Variants in TBC1D1 observed in about 807,000 individuals in gnomAD.
The protein encoded by TBC1D1 is TBC1 domain family member 1, also known as TBC1 (tre-2/USP6, BUB2, cdc16) domain family, member 1.
In TBC1D1, 89 loss-of-function variants were observed where a neutral mutation model predicts 125.6. The observed-to-expected ratio is 0.71, with a 90% confidence interval of 0.60 to 0.85. TBC1D1 has a LOEUF of 0.85. Among genes scored for constraint, TBC1D1 ranks in the 40% least tolerant of loss-of-function variants. The pLI is 0.00. For missense variants in TBC1D1, 1,377 were observed against 1,469.2 expected (o/e 0.94, Z 1.03); for synonymous variants, 565 against 564.1 (o/e 1.00, Z -0.02).
intron 2 of TBC1D1, among the ~76,000 whole-genome samples, chr4:37,951,273 C>G (rs188319032): frequency 6.6e-6 from 1 of 151,990 alleles, no homozygotes; most frequent in South Asian, 2.1e-4. Flanking sequence ...TAAAAATGAT[C>G]GTGGGAAGAG....
chr4:37,922,589 C>G (rs1412674911), intron 2 of TBC1D1, among the ~76,000 whole-genome samples: 1 of 152,220 alleles, frequency 6.6e-6, no homozygotes, highest in Non-Finnish European at 1.5e-5. Context: ...GAGACTCCCT[C>G]GCTTTGTTCC....
intron 2 of TBC1D1, among the ~76,000 whole-genome samples, chr4:37,904,302 T>C (rs898022486): frequency 6.6e-6 from 1 of 152,252 alleles, no homozygotes; most frequent in Non-Finnish European, 1.5e-5. Context: ...CCTTCAGCTT[T>C]CAAAGATGAG....
Position 38,054,241 on chromosome 4 carries a change from G to C in TBC1D1, c.1953G>C (p.Gly651=), listed in dbSNP as rs756690761. ...CAAACCATCTTGGTGATTCTGGTGG[G>C]ACTCCTGTGAAGACCCGGAGGCATT... Residue 651 remains glycine, a synonymous_variant, in exon 12 of 20, where the codon GGG becomes GGC. Transcript: ENST00000261439. 8.1e-6 allele frequency: 13 copies of C among 1,614,070 alleles called. No individual in the cohort carries two copies. In the African/African-American group the frequency reaches 1.3e-4, roughly 17 times the overall value.
At chr4:38,034,473 C>T (rs943129373) in intron 7 of TBC1D1, among the ~76,000 whole-genome samples, 2 of 152,162 alleles carry the variant, frequency 1.3e-5, no homozygotes, top group Admixed American at 6.5e-5. Flanking sequence ...TAATCTTTTT[C>T]GTTAAGAAAG....
chr4:38,107,178 C>G (rs1209913795), intron 15 of TBC1D1, among the ~76,000 whole-genome samples: 2 of 152,334 alleles, frequency 1.3e-5, no homozygotes, highest in Non-Finnish European at 2.9e-5. Context: ...GTCTCCTCTC[C>G]CCACTGGAAC....
At chr4:37,947,400 A>G (rs991632330) in intron 2 of TBC1D1, among the ~76,000 whole-genome samples, 8 of 151,998 alleles carry the variant, frequency 5.3e-5, no homozygotes, top group Non-Finnish European at 1.0e-4. Context: ...CAAGTGATCC[A>G]CCTGCTTCGG....
intron 2 of TBC1D1, among the ~76,000 whole-genome samples, chr4:37,928,581 G>A (rs371496132): frequency 1.3e-4 from 20 of 152,052 alleles, no homozygotes; most frequent in African/African-American, 4.1e-4. Context: ...CTCTCTTGCC[G>A]CTGTAGCGCA....
intron 15 of TBC1D1, among the ~76,000 whole-genome samples, chr4:38,113,987 A>G (rs563871803): frequency 2.0e-5 from 3 of 152,280 alleles, no homozygotes; most frequent in South Asian, 2.1e-4. Context: ...AAACTGTTAC[A>G]TCCTGCATGG....
At chr4:37,980,261 T>G (rs192232225) in intron 2 of TBC1D1, among the ~76,000 whole-genome samples, 132 of 152,334 alleles carry the variant, frequency 8.7e-4, no homozygotes, top group Middle Eastern at 3.4e-3. Flanking sequence ...GGACATGATC[T>G]GGAACATTAG....
intron 7 of TBC1D1, 133 bp from the exon 8 acceptor site, chr4:38,035,455 T>G: frequency 1.5e-6 from 1 of 660,804 alleles, no homozygotes; most frequent in Non-Finnish European, 2.6e-6. Flanking sequence ...TTTAGGATCA[T>G]TGGTGCCCCC....
At chr4:38,098,153 G>A (rs1274951811) in intron 14 of TBC1D1, among the ~76,000 whole-genome samples, 6 of 152,346 alleles carry the variant, frequency 3.9e-5, no homozygotes, top group African/African-American at 1.4e-4. Flanking sequence ...CTGATAGAAG[G>A]AGAGACTTGC....
intron 18 of TBC1D1, among the ~76,000 whole-genome samples, chr4:38,126,927 G>A (rs1025517847): frequency 2.6e-5 from 4 of 151,956 alleles, no homozygotes; most frequent in African/African-American, 9.7e-5. Context: ...ATTTTACCAG[G>A]ATTCTAATAC....
At chr4:38,063,246 G>A (rs544406286) in intron 12 of TBC1D1, among the ~76,000 whole-genome samples, 3 of 152,310 alleles carry the variant, frequency 2.0e-5, no homozygotes, top group East Asian at 1.9e-4. Context: ...AGGCCAGCAC[G>A]TGTCCAGGGT....
intron 2 of TBC1D1, among the ~76,000 whole-genome samples, chr4:37,969,548 G>A (rs893114581): frequency 1.1e-4 from 17 of 152,164 alleles, no homozygotes; most frequent in Non-Finnish European, 2.2e-4. Flanking sequence ...GTTTCACCAC[G>A]TTGGCCAGGC....
chr4:38,133,035 T>G, intron 18 of TBC1D1, 49 bp from the exon 21 acceptor site: 1 of 1,558,500 alleles, frequency 6.4e-7, no homozygotes, highest in East Asian at 2.2e-5. Context: ...CCTGTACTTG[T>G]GGGGTTTTTC....
chr4:37,994,910 C>CTAA (rs1480142305), intron 2 of TBC1D1, among the ~76,000 whole-genome samples: 1 of 151,932 alleles, frequency 6.6e-6, no homozygotes, highest in Non-Finnish European at 1.5e-5. Flanking sequence ...CAAGCTGGGA[C>CTAA]TAACTCCATG....
At chr4:37,933,523 C>CAG (rs1380450087) in intron 2 of TBC1D1, among the ~76,000 whole-genome samples, 1 of 151,534 alleles carries the variant, frequency 6.6e-6, no homozygotes, top group Non-Finnish European at 1.5e-5. Context: ...GAATAGAACC[C>CAG]AACTGGTACT....
chr4:37,895,891 G>A (rs1203529396), intron 1 of TBC1D1, among the ~76,000 whole-genome samples: 1 of 152,164 alleles, frequency 6.6e-6, no homozygotes, highest in Non-Finnish European at 1.5e-5. Context: ...CTCCCTGTGG[G>A]ATTCCTGGGT....
intron 12 of TBC1D1, among the ~76,000 whole-genome samples, chr4:38,084,527 C>T (rs1444668505): frequency 6.6e-6 from 1 of 152,228 alleles, no homozygotes; most frequent in East Asian, 1.9e-4. Context: ...AACAATATGA[C>T]AACATTAAGT....
Sources: gnomAD v4.1 joint callset for allele counts (sites outside exome capture counted in the v4.1 genomes callset) on GRCh38, gnomAD v4.1.1 for gene constraint, MANE v1.5 for transcripts, NCBI Gene and HGNC (gene_info 2026-07-23, HGNC 2026-07-21) for gene names.